The following BCAS3 variants were observed in gnomAD, a reference collection of about 807,000 sequenced individuals.
BCAS3 encodes the protein BCAS3 microtubule associated cell migration factor.
A neutral mutation model predicts 116.1 loss-of-function variants in BCAS3; 53 were observed. The ratio of observed to expected loss-of-function variants is 0.46; its 90% CI spans 0.37 to 0.57. The LOEUF (loss-of-function observed/expected upper bound fraction) is 0.57. Ranked by LOEUF, BCAS3 falls within the 20% of genes least tolerant of loss-of-function variation. The pLI, the probability that BCAS3 is intolerant of heterozygous loss-of-function variation, is 0.00. For synonymous variants in BCAS3, 391 were observed against 408.2 expected (o/e 0.96, Z 0.51); for missense variants, 917 against 1,165.4 (o/e 0.79, Z 3.10).
In BCAS3 at chr17:61,347,651, G is replaced by T. The variant is rs147526586; in HGVS notation, c.2426-20676G>T. ...CAAATTTCCCATCATCCAGCATAGC[G>T]ACTGGTGCACAATAGACATCTGTTT... On this transcript the variant is annotated intron_variant, in intron 22 of 23. Coordinates refer to ENST00000407086, the MANE Select transcript of BCAS3 (RefSeq NM_017679.5). This position sits in a 1 kb window ranked among gnomAD's most constrained non-coding sequence, Gnocchi z 4.3. Among the ~76,000 whole-genome samples the T allele has an allele frequency of 6.6e-6, 1 of 152,160 alleles. No individual in the cohort carries two copies. Among genetic ancestry groups the T allele is most frequent in the African/African-American group, 2.4e-5 (1 of 41,438 alleles).
In BCAS3 at chr17:61,201,915, C is replaced by T. The variant is rs933564335; in HGVS notation, c.2425+117351C>T. Among the ~76,000 whole-genome samples the T allele has an allele frequency of 5.3e-5, 8 of 151,624 alleles. No individual in the cohort carries two copies. In the East Asian group the frequency reaches 1.2e-3, roughly 22 times the overall value. On this transcript the variant is annotated intron_variant, in intron 22 of 23. Coordinates refer to ENST00000407086, the MANE Select transcript of BCAS3 (RefSeq NM_017679.5). ...CTGGGATTACGGGAATGTGACACCA[C>T]GCTCGGCTAGTTTTTGTTATTTTTA...
chr17:61,080,303 A>G (rs1483064068), intron 21 of BCAS3, among the ~76,000 whole-genome samples: 4 of 152,188 alleles, frequency 2.6e-5, no homozygotes, highest in Non-Finnish European at 5.9e-5. Flanking sequence ...CTAATTCTTC[A>G]CCAACTTATG....
intron 7 of BCAS3, among the ~76,000 whole-genome samples, chr17:60,809,286 A>G (rs1310367025): frequency 1.3e-4 from 20 of 151,886 alleles, no homozygotes; most frequent in Admixed American, 1.0e-3. Flanking sequence ...AAAAAAAAAA[A>G]AGAGAGAGTT....
chr17:61,194,074 G>A (rs2144244601), intron 22 of BCAS3, among the ~76,000 whole-genome samples: 1 of 152,244 alleles, frequency 6.6e-6, no homozygotes, highest in South Asian at 2.1e-4. Flanking sequence ...CCAAGATCGT[G>A]CCACTGCACT....
At chr17:60,848,157 G>C (rs1599129414) in intron 7 of BCAS3, among the ~76,000 whole-genome samples, 1 of 151,990 alleles carries the variant, frequency 6.6e-6, no homozygotes, top group East Asian at 1.9e-4. Flanking sequence ...TTCATTTTTG[G>C]AATGTCTAAT....
intron 22 of BCAS3, among the ~76,000 whole-genome samples, chr17:61,153,872 T>G (rs1415911704): frequency 6.6e-6 from 1 of 152,220 alleles, no homozygotes; most frequent in Admixed American, 6.5e-5. Flanking sequence ...AATCTGCCAC[T>G]GTTTTCCAAA....
intron 5 of BCAS3, among the ~76,000 whole-genome samples, chr17:60,726,458 C>T (rs1186744498): frequency 3.3e-5 from 5 of 151,688 alleles, no homozygotes. Flanking sequence ...CCTTGGCCTC[C>T]CAAAGTGCTG....
Position 61,008,309 on chromosome 17 carries a change from A to G in BCAS3, c.1487-7442A>G, listed in dbSNP as rs2064861152. The stretch of plus-strand genomic sequence containing the variant: ...GACATTCTCATCTAGGAAAGGGGAG[A>G]AGAGAGAGATGGAGAGAGAGACACA... On this transcript the variant is annotated intron_variant, in intron 15 of 23. Transcript: ENST00000407086. The surrounding 1 kb of genome is among the most constrained non-coding windows in gnomAD (Gnocchi z 4.6). Among the ~76,000 whole-genome samples, 1 of 152,022 alleles carries G rather than the reference A, an allele frequency of 6.6e-6. No homozygotes were observed. Among genetic ancestry groups the G allele is most frequent in the African/African-American group, 2.4e-5 (1 of 41,404 alleles).
Position 61,028,772 on chromosome 17 carries a change from G to A in BCAS3, c.1638-5894G>A, listed in dbSNP as rs2145579661. Among the ~76,000 whole-genome samples, 1 of 152,034 alleles carries A rather than the reference G, an allele frequency of 6.6e-6. No homozygotes were observed. Among genetic ancestry groups the A allele is most frequent in the Non-Finnish European group, 1.5e-5 (1 of 67,812 alleles). ...ATAGTAGACTTTTAAATCATTGCCTGTCTTTTAGAAGACTGCTTTGTGGTT... is the reference window on the plus strand; with the variant it reads ...ATAGTAGACTTTTAAATCATTGCCTATCTTTTAGAAGACTGCTTTGTGGTT... On this transcript the variant is annotated intron_variant, in intron 16 of 23. Coordinates refer to ENST00000407086, the MANE Select transcript of BCAS3 (RefSeq NM_017679.5). This position sits in a 1 kb window ranked among gnomAD's most constrained non-coding sequence, Gnocchi z 4.3.
At chr17:60,897,908 ATT>A (rs61465299) in intron 10 of BCAS3, among the ~76,000 whole-genome samples, 2 of 145,562 alleles carry the variant, frequency 1.4e-5, no homozygotes, top group African/African-American at 5.0e-5. Context: ...TTTTATTTTT[ATT>A]TTTTTTTTTG....
chr17:61,319,832 C>A (rs1018585289), intron 22 of BCAS3, among the ~76,000 whole-genome samples: 3 of 151,632 alleles, frequency 2.0e-5, no homozygotes, highest in Non-Finnish European at 2.9e-5. Flanking sequence ...CATAAACTCA[C>A]AATTTTCATA....
chr17:61,110,787 G>A (rs1250565928), intron 22 of BCAS3, among the ~76,000 whole-genome samples: 1 of 152,124 alleles, frequency 6.6e-6, no homozygotes, highest in Non-Finnish European at 1.5e-5. Context: ...ACCTCTGGGG[G>A]CAGGGCACAG....
chr17:60,807,857 G>A, intron 6 of BCAS3, 147 bp from the exon 7 acceptor site: 1 of 532,280 alleles, frequency 1.9e-6, no homozygotes, highest in Admixed American at 3.0e-5. Context: ...TTATATAGTA[G>A]CTTTTCTTCT....
chr17:60,742,497 A>G (rs2041657679), intron 5 of BCAS3, among the ~76,000 whole-genome samples: 1 of 144,756 alleles, frequency 6.9e-6, no homozygotes, highest in Non-Finnish European at 1.5e-5. Flanking sequence ...CAATGGTGCA[A>G]TCTCAGCTCA....
chr17:61,255,504 G>A (rs1002921602), intron 22 of BCAS3, among the ~76,000 whole-genome samples: 6 of 152,170 alleles, frequency 3.9e-5, no homozygotes, highest in Non-Finnish European at 7.3e-5. Context: ...CTTTTGTAGC[G>A]CATCAATACC....
intron 5 of BCAS3, among the ~76,000 whole-genome samples, chr17:60,712,137 C>G (rs941667241): frequency 1.3e-5 from 2 of 151,960 alleles, no homozygotes; most frequent in Non-Finnish European, 2.9e-5. Context: ...TGCACTCCAG[C>G]CTGGGTGACA....
At chr17:60,690,608 T>TA (rs969488940) in intron 4 of BCAS3, among the ~76,000 whole-genome samples, 47 of 146,454 alleles carry the variant, frequency 3.2e-4, no homozygotes, top group South Asian at 4.4e-4. Context: ...AGTAAGTAAA[T>TA]AAAAAAAAAT....
rs1409889620 is a variant in BCAS3, at chr17:61,347,728, G to T, written c.2426-20599G>T. ...GGTGCTATGTGAAGGTAAGCCTAGG[G>T]TGTTGTGGGGGCCGGTAGGAAGACC... On this transcript the variant is annotated intron_variant, in intron 22 of 23. Transcript: ENST00000407086. This position sits in a 1 kb window ranked among gnomAD's most constrained non-coding sequence, Gnocchi z 4.3. Among the ~76,000 whole-genome samples, 1 of 152,208 alleles carries T rather than the reference G, an allele frequency of 6.6e-6. No individual in the cohort carries two copies. Among genetic ancestry groups the T allele is most frequent in the Admixed American group, 6.5e-5 (1 of 15,286 alleles).
chr17:60,872,259 G>A (rs1464141325), intron 8 of BCAS3, among the ~76,000 whole-genome samples: 1 of 151,834 alleles, frequency 6.6e-6, no homozygotes, highest in Non-Finnish European at 1.5e-5. Flanking sequence ...ATGCGTGTAT[G>A]TGTATATAGT....
Sources: allele counts gnomAD v4.1 joint callset (sites outside exome capture counted in the v4.1 genomes callset), GRCh38; gene constraint gnomAD v4.1.1; non-coding constraint Gnocchi (gnomAD v3.1); transcripts MANE v1.5; gene names NCBI Gene and HGNC (gene_info 2026-07-23, HGNC 2026-07-21).